Variants in MAML3 observed in about 807,000 individuals in gnomAD.
MAML3 encodes mastermind like transcriptional coactivator 3, also known as mastermind-like protein 3.
MAML3 carries 27 observed loss-of-function variants against 101.9 expected under a neutral mutation model. That is an observed-to-expected ratio of 0.27 (90% CI 0.20 to 0.37). MAML3 has a LOEUF of 0.37. MAML3 is among the 10% of genes least tolerant of loss of function. MAML3 has a pLI of 1.00. For synonymous variants in MAML3, 501 were observed against 555.9 expected, an observed-to-expected ratio of 0.90 and a Z score of 1.39; for missense variants, 1,316 against 1,444.9, an observed-to-expected ratio of 0.91 and a Z score of 1.45.
At chr4:140,121,370 G>A (rs909078916) in intron 1 of MAML3, among the ~76,000 whole-genome samples, 3 of 152,188 alleles carry the variant, frequency 2.0e-5, no homozygotes, top group African/African-American at 7.2e-5. Context: ...GACATAGCAC[G>A]TCCTTCCCTT....
Position 140,153,481 on chromosome 4 carries a change from A to C in MAML3, c.-154T>G. On this transcript the variant is annotated 5_prime_UTR_variant, in exon 1 of 5. Transcript: ENST00000509479. ...CGGCGATCCCGACGGGGCGAAAAAA[A>C]CGGGGGGGGAGATTTTGGGGTGGTT... 1 of 783,678 alleles carries C rather than the reference A, an allele frequency of 1.3e-6. No individual in the cohort carries two copies. The highest frequency in any genetic ancestry group is 1.8e-6 in the Non-Finnish European group (1 of 556,268). 48.5% of individuals were successfully genotyped at this position (783,678 alleles called of 1,614,324 possible).
At chr4:139,723,583 A>T (rs1366143248) in intron 4 of MAML3, among the ~76,000 whole-genome samples, 1 of 152,172 alleles carries the variant, frequency 6.6e-6, no homozygotes, top group Admixed American at 6.5e-5. Flanking sequence ...ACGTGCTGGG[A>T]TTACAGGAGT....
intron 2 of MAML3, among the ~76,000 whole-genome samples, chr4:139,842,414 C>G (rs1731377628): frequency 6.6e-6 from 1 of 152,190 alleles, no homozygotes; most frequent in South Asian, 2.1e-4. Flanking sequence ...TATCACATAT[C>G]TAAAAACAGA....
At chr4:139,953,141 AC>A (rs1733859575) in intron 1 of MAML3, among the ~76,000 whole-genome samples, 1 of 152,234 alleles carries the variant, frequency 6.6e-6, no homozygotes, top group Non-Finnish European at 1.5e-5. Flanking sequence ...GAATGTGCCT[AC>A]ATATACACTT....
chr4:140,039,287 G>T (rs1196593164), intron 1 of MAML3, among the ~76,000 whole-genome samples: 1 of 152,134 alleles, frequency 6.6e-6, no homozygotes, highest in African/African-American at 2.4e-5. Context: ...AGCTTTGGAT[G>T]ACAGTCCTAT....
chr4:139,914,678 G>A (rs1732995882), intron 1 of MAML3, among the ~76,000 whole-genome samples: 1 of 152,128 alleles, frequency 6.6e-6, no homozygotes, highest in Admixed American at 6.5e-5. Context: ...CTAAATGAGA[G>A]AAATTCAACG....
chr4:140,093,416 G>GTTT lies in MAML3; in HGVS notation c.468+59441_468+59443dup, dbSNP rs561107578. Among the ~76,000 whole-genome samples, 23 of 121,478 alleles carry GTTT rather than the reference G, an allele frequency of 1.9e-4. 1 individual carries two copies. Among genetic ancestry groups the GTTT allele is most frequent in the East Asian group, 4.9e-4 (2 of 4,086 alleles). The allele number at this position is 121,478 out of a possible 152,430, so 79.7% of individuals were successfully genotyped here. A position where few individuals can be genotyped will look rare whatever the true frequency, so the allele number is the denominator to read the frequency against. On this transcript the variant is annotated intron_variant, in intron 1 of 4. Coordinates refer to ENST00000509479, the MANE Select transcript of MAML3 (RefSeq NM_018717.5). ...CAAAAGCTAAGACTCATGTTTGTTT[G>GTTT]TTTTTTTTTTTTTTTTTTGAGACAG...
At chr4:139,772,235 GT>G (rs1404473017) in intron 2 of MAML3, among the ~76,000 whole-genome samples, 6 of 39,712 alleles carry the variant, frequency 1.5e-4, no homozygotes, top group African/African-American at 3.8e-4. Flanking sequence ...GCGAGACTCC[GT>G]TCTCAAAAAA....
intron 1 of MAML3, among the ~76,000 whole-genome samples, chr4:139,921,554 T>G (rs954285860): frequency 6.6e-6 from 1 of 152,162 alleles, no homozygotes; most frequent in Non-Finnish European, 1.5e-5. Flanking sequence ...AACGCCGATC[T>G]GTGGGGAGAC....
intron 1 of MAML3, among the ~76,000 whole-genome samples, chr4:139,908,855 T>C (rs1032632594): frequency 2.0e-5 from 3 of 152,214 alleles, no homozygotes; most frequent in Non-Finnish European, 2.9e-5. Context: ...AGAATGAACA[T>C]GGAATGATTA....
At chr4:139,975,907 T>C (rs1466315451) in intron 1 of MAML3, among the ~76,000 whole-genome samples, 7 of 152,130 alleles carry the variant, frequency 4.6e-5, no homozygotes, top group African/African-American at 1.7e-4. Context: ...AAAGGAAATA[T>C]ATTCACCATG....
chr4:140,102,363 C>A (rs192367322), intron 1 of MAML3, among the ~76,000 whole-genome samples: 156 of 152,280 alleles, frequency 1.0e-3, no homozygotes, highest in Middle Eastern at 3.4e-3. Flanking sequence ...GTGGCTTGAA[C>A]AACAGAAATT....
chr4:139,891,018 C>T (rs1281047015), intron 1 of MAML3, 51 bp from the exon 2 acceptor site: 1 of 1,560,034 alleles, frequency 6.4e-7, no homozygotes, highest in East Asian at 2.3e-5. Flanking sequence ...TCATATTTTA[C>T]TCTTTAAGGA....
chr4:139,823,502 G>A (rs1339475328), intron 2 of MAML3, among the ~76,000 whole-genome samples: 1 of 152,162 alleles, frequency 6.6e-6, no homozygotes, highest in East Asian at 1.9e-4. Context: ...GCTTCTGTGT[G>A]TCTGCATGTG....
chr4:140,087,758 T>TCC (rs1222139847), intron 1 of MAML3, among the ~76,000 whole-genome samples: 2 of 152,222 alleles, frequency 1.3e-5, no homozygotes, highest in African/African-American at 4.8e-5. Context: ...ATCCTGGGTC[T>TCC]CCTTCACTAC....
intron 2 of MAML3, among the ~76,000 whole-genome samples, chr4:139,801,590 G>A (rs1730604034): frequency 6.6e-6 from 1 of 152,058 alleles, no homozygotes; most frequent in Non-Finnish European, 1.5e-5. Flanking sequence ...TCAGATTTGG[G>A]TCAGCATCCA....
intron 1 of MAML3, among the ~76,000 whole-genome samples, chr4:139,992,943 T>C (rs1734708904): frequency 6.6e-6 from 1 of 152,228 alleles, no homozygotes; most frequent in African/African-American, 2.4e-5. Context: ...TAACTAGTAA[T>C]ATTGAGCACA....
At chr4:139,888,289 C>T (rs72931647) in intron 2 of MAML3, among the ~76,000 whole-genome samples, 3,440 of 152,254 alleles carry the variant, frequency 0.023, 135 homozygotes, top group African/African-American at 0.078. Context: ...GGACACCTAC[C>T]CAAGCACTAG....
intron 1 of MAML3, among the ~76,000 whole-genome samples, chr4:139,972,708 T>A (rs1405751101): frequency 6.6e-6 from 1 of 152,212 alleles, no homozygotes; most frequent in Non-Finnish European, 1.5e-5. Flanking sequence ...GCACTGAAAA[T>A]TAGTGAATTT....
Sources: gnomAD v4.1 joint callset for allele counts (sites outside exome capture counted in the v4.1 genomes callset) on GRCh38, gnomAD v4.1.1 for gene constraint, MANE v1.5 for transcripts, NCBI Gene and HGNC (gene_info 2026-07-23, HGNC 2026-07-21) for gene names.